FBXL7: variants seen among roughly 807,000 people sequenced by gnomAD.
FBXL7 encodes the protein F-box/LRR-repeat protein 7.
FBXL7 carries 12 observed loss-of-function variants against 38.3 expected under a neutral mutation model. The observed-to-expected ratio is 0.31, with a 90% CI of 0.20 to 0.51. The LOEUF is 0.51. Among genes scored for constraint, FBXL7 ranks in the 20% least tolerant of loss-of-function variants. The pLI is 0.98. For synonymous variants in FBXL7, 297 were observed against 300.9 expected (o/e 0.99, Z 0.13); for missense variants, 567 against 676.4 (o/e 0.84, Z 1.79).
chr5:15,798,995 G>A (rs1270091746), intron 2 of FBXL7, among the ~76,000 whole-genome samples: 1 of 152,206 alleles, frequency 6.6e-6, no homozygotes, highest in Admixed American at 6.5e-5. Context: ...CTTTGCAGGA[G>A]TTGATTGCAA....
At chr5:15,835,012 A>G (rs190114648) in intron 2 of FBXL7, among the ~76,000 whole-genome samples, 8 of 152,158 alleles carry the variant, frequency 5.3e-5, no homozygotes, top group African/African-American at 1.9e-4. Context: ...GAGCTGGGCT[A>G]CTCTTGTAAA....
chr5:15,617,257 C>T (rs1357849534), intron 2 of FBXL7, among the ~76,000 whole-genome samples: 2 of 152,122 alleles, frequency 1.3e-5, no homozygotes, highest in African/African-American at 4.8e-5. Flanking sequence ...TGCGTTTTCC[C>T]AACATCGTAA....
At chr5:15,656,942 G>T (rs1166657502) in intron 2 of FBXL7, among the ~76,000 whole-genome samples, 1 of 151,884 alleles carries the variant, frequency 6.6e-6, no homozygotes, top group African/African-American at 2.4e-5. Context: ...TGGCTAAATT[G>T]ATACAATAAA....
chr5:15,573,373 A>C (rs1349575034), intron 1 of FBXL7, among the ~76,000 whole-genome samples: 1 of 152,204 alleles, frequency 6.6e-6, no homozygotes. Flanking sequence ...CAAAGTTTCA[A>C]AGAATCTTGC....
At chr5:15,682,346 G>T (rs1370618660) in intron 2 of FBXL7, among the ~76,000 whole-genome samples, 1 of 152,156 alleles carries the variant, frequency 6.6e-6, no homozygotes, top group African/African-American at 2.4e-5. Flanking sequence ...ACACATCACT[G>T]CAAGAGAGGC....
intron 2 of FBXL7, among the ~76,000 whole-genome samples, chr5:15,898,936 G>GA (rs1273373912): frequency 2.0e-5 from 3 of 151,784 alleles, no homozygotes; most frequent in Admixed American, 1.3e-4. Context: ...TGAAAGGACT[G>GA]AATAAGTCAC....
chr5:15,889,519 A>G (rs1740816426), intron 2 of FBXL7, among the ~76,000 whole-genome samples: 1 of 152,222 alleles, frequency 6.6e-6, no homozygotes, highest in Admixed American at 6.5e-5. Flanking sequence ...GACTAGAATC[A>G]GTGAAACCTG....
At chr5:15,780,942 T>G (rs1736974814) in intron 2 of FBXL7, among the ~76,000 whole-genome samples, 1 of 152,174 alleles carries the variant, frequency 6.6e-6, no homozygotes, top group Non-Finnish European at 1.5e-5. Flanking sequence ...GGAGGAGAAC[T>G]CTGATTCCAT....
chr5:15,517,302 C>A (rs1736970344), intron 1 of FBXL7, among the ~76,000 whole-genome samples: 1 of 152,150 alleles, frequency 6.6e-6, no homozygotes, highest in Admixed American at 6.5e-5. Context: ...AAGGGGCCCA[C>A]AGTCTGGTGG....
chr5:15,707,542 CG>C (rs952072733), intron 2 of FBXL7, among the ~76,000 whole-genome samples: 27 of 152,092 alleles, frequency 1.8e-4, no homozygotes, highest in African/African-American at 6.3e-4. Context: ...AGATGACAGA[CG>C]TTTGCATCTG....
intron 1 of FBXL7, among the ~76,000 whole-genome samples, chr5:15,529,011 A>G (rs1168010955): frequency 6.6e-6 from 1 of 152,098 alleles, no homozygotes; most frequent in Non-Finnish European, 1.5e-5. Flanking sequence ...TGTACGCTAG[A>G]CCTCTTAAAT....
At chr5:15,585,667 G>A (rs1739277266) in intron 1 of FBXL7, among the ~76,000 whole-genome samples, 1 of 152,122 alleles carries the variant, frequency 6.6e-6, no homozygotes, top group Non-Finnish European at 1.5e-5. Context: ...TTCTATCCAA[G>A]GCTCAGATAC....
At chr5:15,867,325 TCTC>T (rs1334843625) in intron 2 of FBXL7, among the ~76,000 whole-genome samples, 3 of 152,144 alleles carry the variant, frequency 2.0e-5, no homozygotes, top group African/African-American at 7.2e-5. Flanking sequence ...ATCTCCACCT[TCTC>T]CTGACTATCC....
intron 2 of FBXL7, among the ~76,000 whole-genome samples, chr5:15,627,544 G>A (rs1482466653): frequency 6.6e-6 from 1 of 152,144 alleles, no homozygotes; most frequent in Non-Finnish European, 1.5e-5. Context: ...TAAAACATGG[G>A]GTTACAGATT....
At chr5:15,614,688 CT>C (rs1450382485) in intron 1 of FBXL7, among the ~76,000 whole-genome samples, 2 of 152,192 alleles carry the variant, frequency 1.3e-5, no homozygotes, top group Non-Finnish European at 2.9e-5. Flanking sequence ...TTAGCTGGAT[CT>C]TTTGTTCGGG....
At chr5:15,736,496 CA>C (rs1735752821) in intron 2 of FBXL7, among the ~76,000 whole-genome samples, 1 of 152,126 alleles carries the variant, frequency 6.6e-6, no homozygotes, top group South Asian at 2.1e-4. Context: ...ATTAAAATAA[CA>C]AATCCACATA....
chr5:15,681,232 G>T (rs1227955172), intron 2 of FBXL7, among the ~76,000 whole-genome samples: 1 of 152,130 alleles, frequency 6.6e-6, no homozygotes, highest in Admixed American at 6.5e-5. Flanking sequence ...CATCCAAAGT[G>T]TGTAATTAGA....
intron 2 of FBXL7, among the ~76,000 whole-genome samples, chr5:15,652,478 G>A (rs933727466): frequency 5.7e-4 from 87 of 152,242 alleles, no homozygotes; most frequent in Non-Finnish European, 4.4e-4. Context: ...GTGTTAGCCC[G>A]GATGGTCTCG....
At chr5:15,935,116 G>A in intron 3 of FBXL7, 1 of 531,826 alleles carries the variant, frequency 1.9e-6, no homozygotes, top group Non-Finnish European at 3.9e-6. Context: ...GTGGTGTGCG[G>A]GAAATGACAA....
Sources: allele counts gnomAD v4.1 joint callset (sites outside exome capture counted in the v4.1 genomes callset), GRCh38; gene constraint gnomAD v4.1.1; transcripts MANE v1.5; gene names NCBI Gene and HGNC (gene_info 2026-07-23, HGNC 2026-07-21).